The following KLHL4 variants were observed in gnomAD, a reference collection of about 807,000 sequenced individuals.
KLHL4 encodes the protein kelch like family member 4.
KLHL4 carries 17 observed loss-of-function variants against 45.8 expected under a neutral mutation model. The observed-to-expected ratio is 0.37, with a 90% CI of 0.25 to 0.56. KLHL4 has a LOEUF of 0.56. KLHL4 is among the 20% of genes least tolerant of loss of function. KLHL4 has a pLI of 0.79. For missense variants in KLHL4, 544 were observed against 544.9 expected (o/e 1.00, Z 0.02); for synonymous variants, 224 against 189.9 (o/e 1.18, Z -1.47).
intron 9 of KLHL4, among the ~76,000 whole-genome samples, chrX:87,658,442 A>G (rs1924064471): frequency 9.0e-6 from 1 of 111,561 alleles, no homozygotes; most frequent in East Asian, 2.8e-4. Flanking sequence ...AATGCGTGCA[A>G]CACACTTCCT....
chrX:87,553,300 T>C (rs1040062100), intron 1 of KLHL4, among the ~76,000 whole-genome samples: 1 of 110,929 alleles, frequency 9.0e-6, no homozygotes, highest in Non-Finnish European at 1.9e-5. Context: ...ATTATCATAC[T>C]TTGACTCAAT....
chrX:87,555,924 G>T (rs1337671705), intron 1 of KLHL4, among the ~76,000 whole-genome samples: 1 of 109,767 alleles, frequency 9.1e-6, no homozygotes, highest in Non-Finnish European at 1.9e-5. Context: ...TTGTGTCTTT[G>T]TTCTCGTTGG....
In KLHL4 at chrX:87,517,946, G is replaced by C; in HGVS notation, c.53G>C (p.Arg18Pro). The change falls in exon 1 of 11, where the codon CGC becomes CCC. Residue 18 changes from arginine to proline, a missense_variant. By Grantham distance (103) the Arg-to-Pro change is moderately radical. Transcript: ENST00000373119. ...GATGTGAAACAGATCCTAAGGCTACGCTGGAGGTGGTTTAGTCATCCTTTT... is the reference window on the plus strand; with the variant it reads ...GATGTGAAACAGATCCTAAGGCTACCCTGGAGGTGGTTTAGTCATCCTTTT... ...EFDVKQILRL[R>P]WRWFSHPFQG... 8.3e-7 allele frequency: 1 copy of C among 1,211,373 alleles called. No homozygotes were observed. Among genetic ancestry groups the C allele is most frequent in the Non-Finnish European group, 1.1e-6 (1 of 895,248 alleles).
rs1369441292 is a variant in KLHL4, at chrX:87,598,462, G to A, written c.423-15415G>A. 9.0e-5 allele frequency among the ~76,000 whole-genome samples: 10 copies of A among 110,991 alleles called. No individual in the cohort carries two copies. The East Asian group carries it at 2.8e-3, about 31-fold the overall frequency. ...TACTGATACTTTGACATTTAATTTT[G>A]GTACAAACAAATGGTCATAGGTCTT... On this transcript the variant is annotated intron_variant, in intron 1 of 10. Coordinates refer to ENST00000373119, the MANE Select transcript of KLHL4 (RefSeq NM_019117.5).
At chrX:87,607,512 C>T (rs1242578543) in intron 1 of KLHL4, among the ~76,000 whole-genome samples, 2 of 111,399 alleles carry the variant, frequency 1.8e-5, no homozygotes, top group African/African-American at 6.5e-5. Context: ...CTGCATATGC[C>T]CTTAAATTCT....
Position 87,669,576 on chromosome X carries a change from C to A in KLHL4, c.*3042C>A. 1 of 438,595 alleles carries A rather than the reference C, an allele frequency of 2.3e-6. No individual in the cohort carries two copies. The highest frequency in any genetic ancestry group is 3.5e-6 in the Non-Finnish European group (1 of 283,553). 36.1% of individuals were successfully genotyped at this position (438,595 alleles called of 1,213,427 possible). The stretch of plus-strand genomic sequence containing the variant: ...TTTAAGTTCTCTAACAAGACTCCTA[C>A]CTTGAGATCTTAGTCTAGGTAAAGA... On this transcript the variant is annotated 3_prime_UTR_variant, in exon 11 of 11. Transcript: ENST00000373119.
intron 1 of KLHL4, among the ~76,000 whole-genome samples, chrX:87,584,688 G>C (rs1278533312): frequency 9.1e-6 from 1 of 109,586 alleles, no homozygotes; most frequent in East Asian, 2.9e-4. Context: ...TAAAAAAAAA[G>C]AATAGAAAAC....
Position 87,669,028 on chromosome X carries a change from C to T in KLHL4, c.*2494C>T, listed in dbSNP as rs1285370333. On this transcript the variant is annotated 3_prime_UTR_variant, in exon 11 of 11. Transcript: ENST00000373119. Reference sequence around the variant, plus strand: ...GGCACTCAAACATAACTGTGCTTGTCTCAGTCAAACTTAATTGGGAAAAGG... The same window carrying T: ...GGCACTCAAACATAACTGTGCTTGTTTCAGTCAAACTTAATTGGGAAAAGG... 4 of 840,442 alleles carry T rather than the reference C, an allele frequency of 4.8e-6. No homozygotes were observed. Among genetic ancestry groups the T allele is most frequent in the Non-Finnish European group, 5.7e-6 (4 of 696,032 alleles). The allele number at this position is 840,442 out of a possible 1,213,427, so 69.3% of individuals were successfully genotyped here.
intron 1 of KLHL4, among the ~76,000 whole-genome samples, chrX:87,566,129 T>G: frequency 9.0e-6 from 1 of 111,348 alleles, no homozygotes; most frequent in Non-Finnish European, 1.9e-5. Flanking sequence ...AGGACCATTT[T>G]GCTTCACTGG....
chrX:87,638,165 A>G (rs1377556683), intron 9 of KLHL4, among the ~76,000 whole-genome samples: 1 of 111,249 alleles, frequency 9.0e-6, no homozygotes, highest in Non-Finnish European at 1.9e-5. Context: ...TATTTTAAAA[A>G]AATGAACAAA....
chrX:87,583,611 G>A (rs1017331648), intron 1 of KLHL4, among the ~76,000 whole-genome samples: 4 of 111,510 alleles, frequency 3.6e-5, no homozygotes, highest in Admixed American at 9.5e-5. Context: ...AAAGGACCTA[G>A]CCCTGGCAGT....
At chrX:87,647,297 C>T (rs1213365603) in intron 9 of KLHL4, among the ~76,000 whole-genome samples, 1 of 111,555 alleles carries the variant, frequency 9.0e-6, no homozygotes, top group Non-Finnish European at 1.9e-5. Context: ...GGAATGTAAA[C>T]TAGTACAACC....
At chrX:87,528,706 C>CAAAAAAAAAA (rs1160857135) in intron 1 of KLHL4, among the ~76,000 whole-genome samples, 6 of 31,499 alleles carry the variant, frequency 1.9e-4, no homozygotes, top group Non-Finnish European at 2.7e-4. Flanking sequence ...CAAAGCGAGA[C>CAAAAAAAAAA]AAAAAAAAAA....
chrX:87,546,364 C>A (rs1333819405), intron 1 of KLHL4, among the ~76,000 whole-genome samples: 2 of 111,903 alleles, frequency 1.8e-5, no homozygotes, highest in South Asian at 3.8e-4. Flanking sequence ...AAGCCCCAAG[C>A]CTTGGTGGCT....
intron 1 of KLHL4, among the ~76,000 whole-genome samples, chrX:87,564,272 G>C (rs902055301): frequency 9.0e-6 from 1 of 111,011 alleles, no homozygotes; most frequent in Non-Finnish European, 1.9e-5. Context: ...TATGTAAATA[G>C]AAATGAAACA....
chrX:87,628,261 G>A (rs1430868339), intron 6 of KLHL4, among the ~76,000 whole-genome samples: 1 of 111,418 alleles, frequency 9.0e-6, no homozygotes, highest in Non-Finnish European at 1.9e-5. Flanking sequence ...AAAGGCTGGA[G>A]ATGAAATTCT....
intron 1 of KLHL4, among the ~76,000 whole-genome samples, chrX:87,606,146 A>T (rs1922188026): frequency 9.1e-6 from 1 of 110,231 alleles, no homozygotes; most frequent in African/African-American, 3.3e-5. Context: ...ATTGTTGAAA[A>T]TTTTTCCATC....
At position 87,642,035 on chromosome X, in the gene KLHL4, C is replaced by T. The variant is rs1341153774; in HGVS notation, c.1925+6260C>T. 7.3e-5 allele frequency among the ~76,000 whole-genome samples: 8 copies of T among 110,004 alleles called. No homozygotes were observed. The East Asian group carries it at 2.0e-3, about 28-fold the overall frequency. On this transcript the variant is annotated intron_variant, in intron 9 of 10. Coordinates refer to ENST00000373119, the MANE Select transcript of KLHL4 (RefSeq NM_019117.5). ...CCACGGCCAGTCCCTCTCCATACTA[C>T]CATAGCTGATGCTTTCTGGAAAGTG...
chrX:87,574,949 T>C (rs1921048611), intron 1 of KLHL4, among the ~76,000 whole-genome samples: 2 of 111,900 alleles, frequency 1.8e-5, no homozygotes, highest in African/African-American at 6.5e-5. Context: ...TAGAATGTTA[T>C]GATAAAAAAG....
Sources: gnomAD v4.1 joint callset for allele counts (sites outside exome capture counted in the v4.1 genomes callset) on GRCh38, gnomAD v4.1.1 for gene constraint, MANE v1.5 for transcripts, NCBI Gene and HGNC (gene_info 2026-07-23, HGNC 2026-07-21) for gene names.